Variants in LIPI observed in about 807,000 individuals in gnomAD.
LIPI encodes lipase member I.
A neutral mutation model predicts 50.6 loss-of-function variants in LIPI; 59 were observed. The ratio of observed to expected loss-of-function variants is 1.16; its 90% CI spans 0.94 to 1.45. LIPI has a LOEUF of 1.45. LIPI is among the 40% of genes most tolerant of loss of function. LIPI has a pLI of 0.00. For synonymous variants in LIPI, 203 were observed against 178.2 expected, an observed-to-expected ratio of 1.14 and a Z score of -1.11; for missense variants, 586 against 536.3, an observed-to-expected ratio of 1.09 and a Z score of -0.92.
At chr21:14,208,887 C>T (rs1371119892) in intron 1 of LIPI, among the ~76,000 whole-genome samples, 2 of 152,026 alleles carry the variant, frequency 1.3e-5, no homozygotes, top group African/African-American at 2.4e-5. Context: ...CGCTGTCTCT[C>T]CAAAAATTAC....
chr21:14,157,666 A>C (rs1413086739), intron 7 of LIPI, among the ~76,000 whole-genome samples: 2 of 152,032 alleles, frequency 1.3e-5, no homozygotes, highest in East Asian at 3.9e-4. Context: ...TACCATTTCT[A>C]CATTTAAAGA....
At chr21:14,167,346 CT>C (rs2018726404) in intron 4 of LIPI, among the ~76,000 whole-genome samples, 3 of 152,218 alleles carry the variant, frequency 2.0e-5, no homozygotes, top group African/African-American at 7.2e-5. Flanking sequence ...TGTCTGACAG[CT>C]TTGAAGAGAG....
In LIPI at chr21:14,186,937, T is replaced by A. The variant is rs73346086; in HGVS notation, c.433-868A>T. ...AAATGTTTCTTGTTTATAAGCTACC[T>A]AGCCTATGGTATTTTGTTACAGCAG... On this transcript the variant is annotated intron_variant, in intron 2 of 9. Coordinates refer to ENST00000681601, the MANE Select transcript of LIPI (RefSeq NM_001302998.2). 7.8e-3 allele frequency among the ~76,000 whole-genome samples: 1,195 copies of A among 152,286 alleles called. 17 individuals carry two copies. Among genetic ancestry groups the A allele is most frequent in the African/African-American group, 0.026 (1,087 of 41,568 alleles).
chr21:14,182,143 A>G (rs2019295187), intron 3 of LIPI, among the ~76,000 whole-genome samples: 1 of 152,196 alleles, frequency 6.6e-6, no homozygotes, highest in Non-Finnish European at 1.5e-5. Context: ...GTAATAAAGT[A>G]GTTTATATTT....
At chr21:14,191,917 T>C (rs2019690541) in intron 1 of LIPI, among the ~76,000 whole-genome samples, 1 of 152,162 alleles carries the variant, frequency 6.6e-6, no homozygotes, top group South Asian at 2.1e-4. Context: ...AGTCCTCCAA[T>C]GTGCTAGGTT....
intron 7 of LIPI, among the ~76,000 whole-genome samples, chr21:14,160,697 G>C (rs2018431764): frequency 6.6e-6 from 1 of 151,116 alleles, no homozygotes; most frequent in African/African-American, 2.4e-5. Context: ...TTGTGAAACA[G>C]ATAAAAAGAC....
At chr21:14,196,081 A>G (rs415800) in intron 1 of LIPI, among the ~76,000 whole-genome samples, 26,277 of 150,144 alleles carry the variant, frequency 0.18, 2,757 homozygotes, top group South Asian at 0.28. Flanking sequence ...ATGTTAATGC[A>G]TGAGAAATAA....
At chr21:14,190,728 G>A (rs2019640391) in intron 1 of LIPI, among the ~76,000 whole-genome samples, 1 of 152,172 alleles carries the variant, frequency 6.6e-6, no homozygotes, top group Non-Finnish European at 1.5e-5. Flanking sequence ...CAGAGAATGA[G>A]GAAGAGAAAT....
At chr21:14,175,891 C>A (rs373453761) in intron 4 of LIPI, among the ~76,000 whole-genome samples, 3 of 152,048 alleles carry the variant, frequency 2.0e-5, no homozygotes, top group East Asian at 3.9e-4. Flanking sequence ...AAAGAAGGCA[C>A]AAGTGGGCCG....
chr21:14,145,709 GA>G (rs35121631), intron 8 of LIPI, among the ~76,000 whole-genome samples: 4,251 of 151,794 alleles, frequency 0.028, 85 homozygotes, highest in Non-Finnish European at 0.044. Context: ...GAAGTGAAGG[GA>G]AAAAAAGTTT....
chr21:14,159,893 C>T (rs2018402957), intron 7 of LIPI, among the ~76,000 whole-genome samples: 1 of 151,148 alleles, frequency 6.6e-6, no homozygotes, highest in Non-Finnish European at 1.5e-5. Flanking sequence ...CAATTACTCC[C>T]CAAAATGAAT....
intron 9 of LIPI, among the ~76,000 whole-genome samples, chr21:14,115,341 T>A (rs2016585874): frequency 6.6e-6 from 1 of 152,176 alleles, no homozygotes; most frequent in Non-Finnish European, 1.5e-5. Flanking sequence ...ACTGCCTTTT[T>A]TCTCGCTTCT....
rs3048482 is a variant in LIPI at position 14,146,772 on chromosome 21, A to ATTTTTTTTTTT, written c.1119-1984_1119-1974dup. On this transcript the variant is annotated intron_variant, in intron 8 of 9. Transcript: ENST00000681601. ...TCTCTTTCTTACTTTCCCAGTCTCT[A>ATTTTTTTTTTT]TTTTTTTTTTTTTTTTTTTTTTTTT... Among the ~76,000 whole-genome samples, 177 of 73,384 alleles carry ATTTTTTTTTTT rather than the reference A, an allele frequency of 2.4e-3. 35 individuals carry two copies. Among genetic ancestry groups the ATTTTTTTTTTT allele is most frequent in the African/African-American group, 7.1e-3 (118 of 16,548 alleles). The allele number at this position is 73,384 out of a possible 152,430, so 48.1% of individuals were successfully genotyped here.
intron 8 of LIPI, among the ~76,000 whole-genome samples, chr21:14,152,071 TTTTATTTATTTA>T (rs71819029): frequency 0.058 from 8,289 of 143,458 alleles, 419 homozygotes; most frequent in East Asian, 0.25. Flanking sequence ...CTTTAACTTA[TTTTATTTATTTA>T]TTTATTTATT....
At chr21:14,179,748 G>T (rs8129587) in intron 4 of LIPI, among the ~76,000 whole-genome samples, 38,590 of 150,512 alleles carry the variant, frequency 0.26, 5,023 homozygotes, top group Middle Eastern at 0.34. Flanking sequence ...CATAAGCTGA[G>T]GATATATGTC....
intron 4 of LIPI, among the ~76,000 whole-genome samples, chr21:14,176,680 G>T (rs1043328383): frequency 7.8e-5 from 11 of 141,600 alleles, no homozygotes; most frequent in African/African-American, 1.3e-4. Flanking sequence ...TGAGAATATT[G>T]TTTTTTTTTC....
intron 8 of LIPI, among the ~76,000 whole-genome samples, chr21:14,147,155 G>A (rs2017937741): frequency 6.6e-6 from 1 of 152,034 alleles, no homozygotes; most frequent in East Asian, 1.9e-4. Context: ...CAGATTTTCT[G>A]TATTTATTGG....
At chr21:14,122,897 A>G (rs918619226) in intron 9 of LIPI, among the ~76,000 whole-genome samples, 6 of 151,240 alleles carry the variant, frequency 4.0e-5, no homozygotes, top group African/African-American at 1.5e-4. Context: ...CACAGTTCAG[A>G]TTTTTCAGAT....
chr21:14,114,282 C>A lies in LIPI; in HGVS notation c.1296-5202G>T, dbSNP rs371893381. Among the ~76,000 whole-genome samples, 8 of 152,212 alleles carry A rather than the reference C, an allele frequency of 5.3e-5. No homozygotes were observed. The East Asian group carries it at 1.5e-3, about 29-fold the overall frequency. On this transcript the variant is annotated intron_variant, in intron 9 of 9. Coordinates refer to ENST00000681601, the MANE Select transcript of LIPI (RefSeq NM_001302998.2). ...ATTATTCAATTATCTCCACCAGGTC[C>A]CTCTCATGACATGTGGGGATTATGG...
Sources: allele counts gnomAD v4.1 joint callset (sites outside exome capture counted in the v4.1 genomes callset), GRCh38; gene constraint gnomAD v4.1.1; transcripts MANE v1.5; gene names NCBI Gene and HGNC (gene_info 2026-07-23, HGNC 2026-07-21).